The following SEZ6L2 variants were observed in gnomAD, a reference collection of about 807,000 sequenced individuals.
SEZ6L2 encodes seizure 6-like protein 2.
SEZ6L2 carries 44 observed loss-of-function variants against 97.0 expected under a neutral mutation model. The ratio of observed to expected loss-of-function variants is 0.45; its 90% CI spans 0.36 to 0.58. SEZ6L2 has a LOEUF of 0.58. Ranked by LOEUF, SEZ6L2 falls within the 20% of genes least tolerant of loss-of-function variation. The pLI is 0.00. For missense variants in SEZ6L2, 1,086 were observed against 1,233.3 expected (o/e 0.88, Z 1.79); for synonymous variants, 543 against 546.1 (o/e 0.99, Z 0.08).
At chr16:29,885,155 C>T (rs1301802852) in intron 8 of SEZ6L2, among the ~76,000 whole-genome samples, 3 of 152,152 alleles carry the variant, frequency 2.0e-5, no homozygotes, top group Admixed American at 6.5e-5. Flanking sequence ...TTGCAGTGAG[C>T]CAAGATGGCG....
Position 29,899,110 on chromosome 16 carries a change from G to GTT in SEZ6L2, c.-93_-92dup, listed in dbSNP as rs556364210. ...TCTCCGTTTATCTTTCCCTTTAATT[G>GTT]TTTTTTTTTTTTTTTTTTTTTTCCT... On this transcript the variant is annotated 5_prime_UTR_variant, in exon 1 of 18. Coordinates refer to ENST00000617533, the MANE Select transcript of SEZ6L2 (RefSeq NM_001243332.2). The GTT allele has an allele frequency of 5.4e-3, 2,673 of 497,220 alleles. 3 individuals carry two copies. Among genetic ancestry groups the GTT allele is most frequent in the South Asian group, 0.011 (541 of 47,962 alleles). The allele number at this position is 497,220 out of a possible 1,614,324, so 30.8% of individuals were successfully genotyped here.
At chr16:29,885,939 T>TA in intron 7 of SEZ6L2, 190 bp from the exon 8 acceptor site, 1 of 522,444 alleles carries the variant, frequency 1.9e-6, no homozygotes, top group East Asian at 3.2e-5. Flanking sequence ...ACACTATTAT[T>TA]ATCCTTTATT....
intron 14 of SEZ6L2, 66 bp from the exon 15 acceptor site, chr16:29,872,809 G>A (rs947233279): frequency 2.4e-5 from 33 of 1,361,548 alleles, no homozygotes; most frequent in Admixed American, 1.1e-4. Context: ...GGGAGGGGCC[G>A]GGAGCCCGGT....
In SEZ6L2 at chr16:29,877,298, C is replaced by T. The variant is rs764460200; in HGVS notation, c.1882G>A (p.Gly628Ser). 4 of 1,607,168 alleles carry T rather than the reference C, an allele frequency of 2.5e-6. No homozygotes were observed. The East Asian group carries it at 6.7e-5, about 27-fold the overall frequency. The change falls in exon 11 of 18, where the codon GGC (glycine) becomes AGC (serine). Residue 628 changes from glycine to serine, a missense_variant. Gly to Ser is a moderately conservative substitution (Grantham distance 56). Around this residue, in one of 2 missense-constraint regions of SEZ6L2, gnomAD observed 310 missense variants for 438.6 expected, o/e 0.71. Transcript: ENST00000617533. Reference sequence around the variant, plus strand: ...TTGAAGTGCAATACGAAGCCCTGGCCCAGGCCTGGATTTGGGGGCCCGGGC... The same window carrying T: ...TTGAAGTGCAATACGAAGCCCTGGCTCAGGCCTGGATTTGGGGGCCCGGGC... ...APPGPPNPGL[G>S]QGFVLHFKEV...
At chr16:29,878,594 A>G (rs1296342561) in intron 9 of SEZ6L2, among the ~76,000 whole-genome samples, 169 bp from the exon 10 acceptor site, 1 of 151,304 alleles carries the variant, frequency 6.6e-6, no homozygotes, top group Non-Finnish European at 1.5e-5. Context: ...ATTTATTTTT[A>G]AATTTTTTTT....
intron 8 of SEZ6L2, among the ~76,000 whole-genome samples, chr16:29,882,983 T>C (rs912609807): frequency 1.3e-5 from 2 of 152,250 alleles, no homozygotes; most frequent in Non-Finnish European, 2.9e-5. Flanking sequence ...GTAAAAGATC[T>C]GTGCTGTTTG....
At chr16:29,884,598 A>G (rs2068094029) in intron 8 of SEZ6L2, among the ~76,000 whole-genome samples, 1 of 151,836 alleles carries the variant, frequency 6.6e-6, no homozygotes, top group South Asian at 2.1e-4. Flanking sequence ...TCTCAAAATA[A>G]ATAAATAAAT....
Position 29,871,405 on chromosome 16 carries a change from A to C in SEZ6L2, c.*294T>G. ...GTCCTTGAGGGGTGCCCTGGGCAGG[A>C]GGGGCTGCAAGATTTGCAGGGAGGC... On this transcript the variant is annotated 3_prime_UTR_variant, in exon 18 of 18. Transcript: ENST00000617533. 1.9e-6 allele frequency: 1 copy of C among 533,394 alleles called. No homozygotes were observed. The highest frequency in any genetic ancestry group is 2.1e-5 in the South Asian group (1 of 47,604). 33.0% of individuals were successfully genotyped at this position (533,394 alleles called of 1,614,324 possible).
chr16:29,886,378 A>G (rs1327228408), intron 7 of SEZ6L2, among the ~76,000 whole-genome samples: 3 of 151,646 alleles, frequency 2.0e-5, no homozygotes, highest in Admixed American at 1.3e-4. Context: ...CCAAAAATAA[A>G]TAAATAGATA....
chr16:29,885,493 A>T, intron 8 of SEZ6L2, 93 bp downstream of exon 8: 2 of 1,333,416 alleles, frequency 1.5e-6, no homozygotes, highest in South Asian at 2.7e-5. Flanking sequence ...ACGGAGATGA[A>T]CAGGCATAGA....
intron 6 of SEZ6L2, among the ~76,000 whole-genome samples, chr16:29,888,329 T>A (rs1057474082): frequency 2.6e-5 from 4 of 151,928 alleles, no homozygotes; most frequent in Non-Finnish European, 5.9e-5. Flanking sequence ...CACCCCGAGA[T>A]GGAGACCACC....
chr16:29,885,835 A>G, intron 7 of SEZ6L2, 86 bp from the exon 8 acceptor site: 1 of 1,338,198 alleles, frequency 7.5e-7, no homozygotes, highest in East Asian at 2.4e-5. Context: ...TTATTTTTAT[A>G]GCTGTTATCA....
intron 8 of SEZ6L2, 95 bp from the exon 9 acceptor site, chr16:29,880,159 A>G: frequency 8.7e-7 from 1 of 1,152,102 alleles, no homozygotes; most frequent in East Asian, 2.7e-5. Context: ...TTCTTTGGCC[A>G]CTCACTGGGC....
At position 29,899,107 on chromosome 16, in the gene SEZ6L2, A is replaced by ATTTT; in HGVS notation, c.-89_-88insAAAA. 3 of 688,548 alleles carry ATTTT rather than the reference A, an allele frequency of 4.4e-6. No individual in the cohort carries two copies. Among genetic ancestry groups the ATTTT allele is most frequent in the Non-Finnish European group, 4.5e-6 (2 of 447,230 alleles). 42.7% of individuals were successfully genotyped at this position (688,548 alleles called of 1,614,324 possible). On this transcript the variant is annotated 5_prime_UTR_variant, in exon 1 of 18. Coordinates refer to ENST00000617533, the MANE Select transcript of SEZ6L2 (RefSeq NM_001243332.2). ...CCGTCTCCGTTTATCTTTCCCTTTA[A>ATTTT]TTGTTTTTTTTTTTTTTTTTTTTTT...
chr16:29,888,476 A>G, intron 6 of SEZ6L2, 64 bp downstream of exon 6: 3 of 1,548,708 alleles, frequency 1.9e-6, no homozygotes, highest in Non-Finnish European at 1.8e-6. Context: ...GACACCCCCG[A>G]GATAGGACCC....
Position 29,873,172 on chromosome 16 carries a change from C to A in SEZ6L2, c.2488+68G>T, listed in dbSNP as rs1228863462. On this transcript the variant is annotated intron_variant, in intron 14 of 17. Transcript: ENST00000617533. This position sits in a 1 kb window ranked among gnomAD's most constrained non-coding sequence, Gnocchi z 4.3. ...TCGCCCATTGGTCTCAAATGTGCTACCTGACTCTCCCAGCCCTGTCACTTC... is the reference window on the plus strand; with the variant it reads ...TCGCCCATTGGTCTCAAATGTGCTAACTGACTCTCCCAGCCCTGTCACTTC... The A allele has an allele frequency of 1.9e-6, 3 of 1,565,848 alleles. No homozygotes were observed. Among genetic ancestry groups the A allele is most frequent in the Non-Finnish European group, 2.6e-6 (3 of 1,149,844 alleles).
In SEZ6L2 at chr16:29,876,731, G is replaced by A. The variant is rs1216725199; in HGVS notation, c.2104+25C>T. 1 of 1,517,294 alleles carries A rather than the reference G, an allele frequency of 6.6e-7. No individual in the cohort carries two copies. Among genetic ancestry groups the A allele is most frequent in the South Asian group, 1.2e-5 (1 of 81,484 alleles). 94.0% of individuals were successfully genotyped at this position (1,517,294 alleles called of 1,614,324 possible). On this transcript the variant is annotated intron_variant, in intron 12 of 17. Transcript: ENST00000617533. This position sits in a 1 kb window ranked among gnomAD's most constrained non-coding sequence, Gnocchi z 6.5. ...GCCCACAGGGAAGGGGCGGGGCCGA[G>A]GGGACGCGGGCGGGGCCGGCTCACT...
At chr16:29,880,128 G>A (rs2067999993) in intron 8 of SEZ6L2, 64 bp from the exon 9 acceptor site, 2 of 1,502,298 alleles carry the variant, frequency 1.3e-6, no homozygotes, top group African/African-American at 1.4e-5. Flanking sequence ...TTAAATTGGG[G>A]ATGTGGGCTG....
rs1365699981 is a variant in SEZ6L2 at position 29,876,729 on chromosome 16, G to A, written c.2104+27C>T. 4 of 1,515,304 alleles carry A rather than the reference G, an allele frequency of 2.6e-6. No homozygotes were observed. Among genetic ancestry groups the A allele is most frequent in the Non-Finnish European group, 3.5e-6 (4 of 1,127,404 alleles). 93.9% of individuals were successfully genotyped at this position (1,515,304 alleles called of 1,614,324 possible). ...GGGCCCACAGGGAAGGGGCGGGGCC[G>A]AGGGGACGCGGGCGGGGCCGGCTCA... On this transcript the variant is annotated intron_variant, in intron 12 of 17. Coordinates refer to ENST00000617533, the MANE Select transcript of SEZ6L2 (RefSeq NM_001243332.2). This position sits in a 1 kb window ranked among gnomAD's most constrained non-coding sequence, Gnocchi z 6.5.
Sources: gnomAD v4.1 joint callset for allele counts (sites outside exome capture counted in the v4.1 genomes callset) on GRCh38, gnomAD v4.1.1 for gene constraint, gnomAD v4.1.1 regional missense constraint, Gnocchi (gnomAD v3.1) non-coding constraint, MANE v1.5 for transcripts, NCBI Gene and HGNC (gene_info 2026-07-23, HGNC 2026-07-21) for gene names.